LGSN: variants seen among roughly 807,000 people sequenced by gnomAD.
LGSN encodes lengsin.
In LGSN, 21 loss-of-function variants were observed where a neutral mutation model predicts 19.5. The observed-to-expected ratio is 1.07, with a 90% CI of 0.76 to 1.55. LGSN has a LOEUF of 1.55. Among genes scored for constraint, LGSN ranks in the 40% most tolerant of loss-of-function variants. LGSN has a pLI of 0.00. For missense variants in LGSN, 673 were observed against 608.5 expected (o/e 1.11, Z -1.12); for synonymous variants, 257 against 215.6 (o/e 1.19, Z -1.68).
At chr6:63,486,471 A>G in the LGSN span, among the ~76,000 whole-genome samples, 1 of 152,124 alleles carries the variant, frequency 6.6e-6, no homozygotes, top group Non-Finnish European at 1.5e-5. Context: ...GTTTATTCAC[A>G]TATTACACAT....
chr6:63,511,996 T>C, the LGSN span, among the ~76,000 whole-genome samples: 1 of 152,170 alleles, frequency 6.6e-6, no homozygotes, highest in African/African-American at 2.4e-5. Flanking sequence ...CTTATTTTAC[T>C]ATATGGCAAG....
the LGSN span, among the ~76,000 whole-genome samples, chr6:63,523,512 A>AAAAT: frequency 3.2e-3 from 487 of 152,150 alleles, 2 homozygotes; most frequent in Middle Eastern, 6.8e-3. Flanking sequence ...CTCCATCTCA[A>AAAAT]AAATAAATAA....
At chr6:63,405,214 A>C in the LGSN span, among the ~76,000 whole-genome samples, 2 of 151,802 alleles carry the variant, frequency 1.3e-5, no homozygotes, top group African/African-American at 4.9e-5. Context: ...ATTGTTGGAC[A>C]TTTGGGTTGG....
the LGSN span, among the ~76,000 whole-genome samples, chr6:63,473,472 TAAAA>T: frequency 1.3e-4 from 8 of 59,380 alleles, no homozygotes; most frequent in East Asian, 5.9e-4. Flanking sequence ...ACACTCTGTC[TAAAA>T]AAAAAAAAAA....
chr6:63,478,352 G>T, the LGSN span, among the ~76,000 whole-genome samples: 3 of 152,168 alleles, frequency 2.0e-5, no homozygotes, highest in Non-Finnish European at 4.4e-5. Flanking sequence ...CCAAGGACTG[G>T]GGGAAGCACA....
chr6:63,282,104 G>A (rs138731032), intron 3 of LGSN, among the ~76,000 whole-genome samples: 85 of 152,254 alleles, frequency 5.6e-4, no homozygotes, highest in African/African-American at 2.0e-3. Context: ...AGTGAATTTG[G>A]TCATTTATTT....
the LGSN span, among the ~76,000 whole-genome samples, chr6:63,526,803 G>GTATA: frequency 0.067 from 6,765 of 101,174 alleles, 282 homozygotes; most frequent in South Asian, 0.08. Flanking sequence ...TCTCAAAAAT[G>GTATA]TATATATATA....
At chr6:63,479,393 CT>C in the LGSN span, among the ~76,000 whole-genome samples, 68,207 of 147,014 alleles carry the variant, frequency 0.46, 17,140 homozygotes, top group Non-Finnish European at 0.56. Context: ...GTAACAACTT[CT>C]TTTTTTTTTT....
chr6:63,444,831 A>G, the LGSN span, among the ~76,000 whole-genome samples: 2 of 151,844 alleles, frequency 1.3e-5, no homozygotes, highest in Admixed American at 6.6e-5. Flanking sequence ...TCCCAGGCCC[A>G]CTCCTGAAGA....
the LGSN span, among the ~76,000 whole-genome samples, chr6:63,541,889 A>G: frequency 6.6e-6 from 1 of 152,096 alleles, no homozygotes; most frequent in African/African-American, 2.4e-5. Flanking sequence ...ATTTCCATCC[A>G]GCTTACAACC....
the LGSN span, among the ~76,000 whole-genome samples, chr6:63,450,823 C>G: frequency 6.6e-6 from 1 of 151,760 alleles, no homozygotes; most frequent in African/African-American, 2.4e-5. Context: ...CAGGTGCACG[C>G]CATCACACCT....
At chr6:63,380,159 A>G in the LGSN span, among the ~76,000 whole-genome samples, 1 of 152,170 alleles carries the variant, frequency 6.6e-6, no homozygotes, top group Non-Finnish European at 1.5e-5. Context: ...TTTTCTAGCT[A>G]AAGATCTACT....
At chr6:63,306,852 T>C (rs1258400134) in intron 1 of LGSN, among the ~76,000 whole-genome samples, 1 of 152,220 alleles carries the variant, frequency 6.6e-6, no homozygotes, top group Non-Finnish European at 1.5e-5. Flanking sequence ...TTTCAAAACA[T>C]GCCAGAAATC....
the LGSN span, among the ~76,000 whole-genome samples, chr6:63,428,118 T>G: frequency 2.6e-5 from 4 of 152,142 alleles, no homozygotes; most frequent in African/African-American, 9.7e-5. Context: ...TTGCTGTAGG[T>G]GTTTATTTTC....
chr6:63,500,726 T>C, the LGSN span, among the ~76,000 whole-genome samples: 2 of 145,976 alleles, frequency 1.4e-5, no homozygotes, highest in African/African-American at 5.1e-5. Context: ...TGGCAATTAG[T>C]TATTTTTTTT....
the LGSN span, among the ~76,000 whole-genome samples, chr6:63,501,566 G>A: frequency 6.9e-3 from 1,052 of 151,900 alleles, 7 homozygotes; most frequent in African/African-American, 0.024. Context: ...CAACAGCCCT[G>A]AAACCAGCTG....
At chr6:63,549,843 G>T in the LGSN span, among the ~76,000 whole-genome samples, 3 of 152,088 alleles carry the variant, frequency 2.0e-5, no homozygotes, top group Non-Finnish European at 4.4e-5. Context: ...GGAGAGATTT[G>T]TTAAAGAATA....
intron 2 of LGSN, among the ~76,000 whole-genome samples, chr6:63,286,338 G>T (rs1181341339): frequency 6.6e-6 from 1 of 152,158 alleles, no homozygotes; most frequent in African/African-American, 2.4e-5. Flanking sequence ...GCAAACAAAA[G>T]TGTGGGTTTT....
chr6:63,417,983 A>G, the LGSN span, among the ~76,000 whole-genome samples: 1 of 152,206 alleles, frequency 6.6e-6, no homozygotes, highest in Non-Finnish European at 1.5e-5. Context: ...TAAAATAATG[A>G]ATAAGTACAT....
Sources: allele counts gnomAD v4.1 joint callset (sites outside exome capture counted in the v4.1 genomes callset), GRCh38; gene constraint gnomAD v4.1.1; transcripts MANE v1.5; gene names NCBI Gene and HGNC (gene_info 2026-07-23, HGNC 2026-07-21).